PHACTR1: variants seen among roughly 807,000 people sequenced by gnomAD.
The protein encoded by PHACTR1 is RPEL repeat containing 1.
Under a neutral mutation model 69.2 loss-of-function variants are expected in PHACTR1, and 16 were observed. The ratio of observed to expected loss-of-function variants is 0.23; its 90% CI spans 0.16 to 0.35. PHACTR1 has a LOEUF of 0.35. Ranked by LOEUF, PHACTR1 falls within the 10% of genes least tolerant of loss-of-function variation. The pLI is 1.00. For synonymous variants in PHACTR1, 312 were observed against 284.5 expected (o/e 1.10, Z -0.97); for missense variants, 510 against 734.7 (o/e 0.69, Z 3.54).
intron 5 of PHACTR1, among the ~76,000 whole-genome samples, chr6:13,120,578 TTC>T (rs1238712162): frequency 1.3e-5 from 2 of 152,256 alleles, no homozygotes; most frequent in Non-Finnish European, 2.9e-5. Context: ...GTGGCTGGTT[TTC>T]TCTTTTCTTT....
intron 4 of PHACTR1, among the ~76,000 whole-genome samples, chr6:12,810,249 G>A (rs559914677): frequency 1.3e-5 from 2 of 152,252 alleles, no homozygotes; most frequent in South Asian, 4.1e-4. Flanking sequence ...CTGATAATAA[G>A]AGACAAAGGG....
At chr6:12,856,498 C>T (rs867157938) in intron 4 of PHACTR1, among the ~76,000 whole-genome samples, 1 of 152,072 alleles carries the variant, frequency 6.6e-6, no homozygotes, top group Non-Finnish European at 1.5e-5. Context: ...CCTAGTGATC[C>T]GTCCACCTCA....
intron 5 of PHACTR1, among the ~76,000 whole-genome samples, chr6:13,109,470 A>G (rs889489537): frequency 4.0e-5 from 6 of 151,524 alleles, no homozygotes; most frequent in Admixed American, 2.6e-4. Flanking sequence ...TGCCTTCTGG[A>G]TTACATTATT....
chr6:13,076,496 G>A (rs1212304621), intron 5 of PHACTR1, among the ~76,000 whole-genome samples: 2 of 152,152 alleles, frequency 1.3e-5, no homozygotes, highest in South Asian at 2.1e-4. Context: ...ATAGAGTTAC[G>A]TTCATTGGGG....
chr6:12,901,601 T>C (rs1336535982), intron 4 of PHACTR1, among the ~76,000 whole-genome samples: 1 of 152,110 alleles, frequency 6.6e-6, no homozygotes, highest in African/African-American at 2.4e-5. Flanking sequence ...TTCAAGCAAT[T>C]CTCCTGCCTC....
chr6:13,058,841 G>C (rs770597357), intron 5 of PHACTR1, among the ~76,000 whole-genome samples: 1 of 152,168 alleles, frequency 6.6e-6, no homozygotes, highest in East Asian at 1.9e-4. Context: ...CTGGAGAATG[G>C]AGAGCTGAGT....
At chr6:12,792,464 CAAAAAA>C (rs60942588) in intron 4 of PHACTR1, among the ~76,000 whole-genome samples, 8 of 31,402 alleles carry the variant, frequency 2.5e-4, no homozygotes, top group Middle Eastern at 0.042. Flanking sequence ...AACTCCATGT[CAAAAAA>C]AAAAAAAAAA....
At chr6:12,954,969 T>C (rs1791706655) in intron 4 of PHACTR1, among the ~76,000 whole-genome samples, 1 of 152,162 alleles carries the variant, frequency 6.6e-6, no homozygotes, top group Non-Finnish European at 1.5e-5. Flanking sequence ...GCTAGTCTTA[T>C]TTGAGATGTG....
intron 5 of PHACTR1, among the ~76,000 whole-genome samples, chr6:13,154,425 TGA>T (rs1279008035): frequency 1.3e-5 from 2 of 152,208 alleles, no homozygotes; most frequent in Admixed American, 6.5e-5. Flanking sequence ...CCCAAAGTGC[TGA>T]GATTATAAGC....
chr6:12,871,911 C>T (rs1285772134), intron 4 of PHACTR1, among the ~76,000 whole-genome samples: 1 of 151,632 alleles, frequency 6.6e-6, no homozygotes, highest in African/African-American at 2.4e-5. Flanking sequence ...CATTTGGTTA[C>T]CCTGAAATAG....
At chr6:12,816,342 TTCTC>T (rs1288237964) in intron 4 of PHACTR1, among the ~76,000 whole-genome samples, 1 of 152,210 alleles carries the variant, frequency 6.6e-6, no homozygotes, top group African/African-American at 2.4e-5. Flanking sequence ...TAATCTGAAG[TTCTC>T]TCTAAGGTAA....
chr6:13,008,924 A>G (rs188839896), intron 4 of PHACTR1, among the ~76,000 whole-genome samples: 199 of 152,318 alleles, frequency 1.3e-3, no homozygotes, highest in East Asian at 5.8e-4. Context: ...ACAGATATTT[A>G]TTCTCTCACT....
At chr6:13,222,011 G>T (rs1584031612) in intron 8 of PHACTR1, among the ~76,000 whole-genome samples, 1 of 151,802 alleles carries the variant, frequency 6.6e-6, no homozygotes, top group African/African-American at 2.4e-5. Context: ...CTCCAGCCTG[G>T]GTGACAGAGT....
chr6:13,272,750 A>G (rs1262622161), intron 10 of PHACTR1, 110 bp from the exon 11 acceptor site: 2 of 1,612,556 alleles, frequency 1.2e-6, no homozygotes, highest in East Asian at 4.5e-5. Flanking sequence ...ACAGGATGGA[A>G]CAAGAACTCC....
chr6:13,204,072 G>A (rs1422281435), intron 7 of PHACTR1, among the ~76,000 whole-genome samples: 1 of 152,132 alleles, frequency 6.6e-6, no homozygotes, highest in Non-Finnish European at 1.5e-5. Context: ...AGCTTTTCAG[G>A]TGCCATAGGT....
At chr6:13,196,394 T>C in intron 7 of PHACTR1, 1 of 158,274 alleles carries the variant, frequency 6.3e-6, no homozygotes, top group South Asian at 1.4e-4. Flanking sequence ...GTTTTCAGAC[T>C]CCTAGATCAT....
chr6:12,800,063 A>G (rs1581805622), intron 4 of PHACTR1, among the ~76,000 whole-genome samples: 1 of 152,222 alleles, frequency 6.6e-6, no homozygotes, highest in Non-Finnish European at 1.5e-5. Context: ...AATAAATGAC[A>G]GGCACAGCAA....
chr6:13,260,542 G>A (rs1422831943), intron 10 of PHACTR1, among the ~76,000 whole-genome samples: 1 of 152,116 alleles, frequency 6.6e-6, no homozygotes, highest in African/African-American at 2.4e-5. Context: ...TAAGAATTTT[G>A]ACCAGGACTG....
intron 4 of PHACTR1, among the ~76,000 whole-genome samples, chr6:12,968,699 G>A (rs1484675801): frequency 6.6e-6 from 1 of 152,096 alleles, no homozygotes; most frequent in Non-Finnish European, 1.5e-5. Flanking sequence ...AAGGGATATT[G>A]GATATATAGT....
Sources: allele counts gnomAD v4.1 joint callset (sites outside exome capture counted in the v4.1 genomes callset), GRCh38; gene constraint gnomAD v4.1.1; transcripts MANE v1.5; gene names NCBI Gene and HGNC (gene_info 2026-07-23, HGNC 2026-07-21).